Variants in RELN observed in about 807,000 individuals in gnomAD.
The protein encoded by RELN is reelin.
RELN carries 108 observed loss-of-function variants against 427.6 expected under a neutral mutation model. That is an observed-to-expected ratio of 0.25 (90% confidence interval 0.22 to 0.30). The LOEUF (loss-of-function observed/expected upper bound fraction) is 0.30. Ranked by LOEUF, RELN falls within the 10% of genes least tolerant of loss-of-function variation. The pLI is 1.00. For missense variants in RELN, 3,715 were observed against 4,302.8 expected (o/e 0.86, Z 3.82); for synonymous variants, 1,524 against 1,513.4 (o/e 1.01, Z -0.16).
chr7:103,855,512 T>G (rs919194777), intron 2 of RELN, among the ~76,000 whole-genome samples: 1 of 152,200 alleles, frequency 6.6e-6, no homozygotes, highest in African/African-American at 2.4e-5. Context: ...AGGCAAGGCA[T>G]GAGAAGGGCA....
chr7:103,746,604 G>A (rs1308618498), intron 6 of RELN, among the ~76,000 whole-genome samples: 1 of 152,180 alleles, frequency 6.6e-6, no homozygotes, highest in Non-Finnish European at 1.5e-5. Context: ...GTGGGCGAAG[G>A]ATATGAACAG....
chr7:103,720,641 T>C (rs1198065660), intron 8 of RELN, among the ~76,000 whole-genome samples: 1 of 152,174 alleles, frequency 6.6e-6, no homozygotes, highest in Non-Finnish European at 1.5e-5. Flanking sequence ...ATAATCTTAA[T>C]ATAATTTTTG....
intron 28 of RELN, among the ~76,000 whole-genome samples, chr7:103,577,508 T>C (rs1370810363): frequency 6.6e-6 from 1 of 151,694 alleles, no homozygotes; most frequent in Non-Finnish European, 1.5e-5. Flanking sequence ...CTTATTCTTT[T>C]TAAGGTAAAA....
In RELN at chr7:103,650,222, C is replaced by A. The variant is rs1219937888; in HGVS notation, c.2002+52G>T. On this transcript the variant is annotated intron_variant, in intron 16 of 64. Coordinates refer to ENST00000428762, the MANE Select transcript of RELN (RefSeq NM_005045.4). ...AAGTCTGTGCTGACGAACAAAAGCA[C>A]AGGAAGACTCTACATCAATGGCATG... The A allele has an allele frequency of 1.5e-5, 16 of 1,099,440 alleles. 1 individual carries two copies. Among genetic ancestry groups the A allele is most frequent in the South Asian group, 1.4e-4 (11 of 80,894 alleles). The allele number at this position is 1,099,440 out of a possible 1,614,324, so 68.1% of individuals were successfully genotyped here.
intron 2 of RELN, among the ~76,000 whole-genome samples, chr7:103,911,150 T>A (rs1346963578): frequency 7.0e-6 from 1 of 142,388 alleles, no homozygotes; most frequent in East Asian, 2.2e-4. Context: ...CTCAAACAAA[T>A]TTACAAGAAA....
chr7:103,940,571 C>A (rs548924211), intron 1 of RELN, among the ~76,000 whole-genome samples: 2 of 152,178 alleles, frequency 1.3e-5, no homozygotes, highest in African/African-American at 2.4e-5. Flanking sequence ...CTTTCCATAT[C>A]CCCTTATGTG....
Position 103,483,644 on chromosome 7 carries a change from G to C in RELN, c.10181+9C>G. On this transcript the variant is annotated intron_variant, in intron 62 of 64. Coordinates refer to ENST00000428762, the MANE Select transcript of RELN (RefSeq NM_005045.4). ...CATGAGACCATGCCTTTCCATTTGG[G>C]CCACTTACAGGGGGACATTGTAAGA... 1 of 1,613,790 alleles carries C rather than the reference G, an allele frequency of 6.2e-7. No homozygotes were observed.
At chr7:103,521,317 CA>C (rs1485812323) in intron 48 of RELN, among the ~76,000 whole-genome samples, 1 of 152,202 alleles carries the variant, frequency 6.6e-6, no homozygotes, top group African/African-American at 2.4e-5. Context: ...TCTATCTAAT[CA>C]TGGTATACAA....
intron 28 of RELN, among the ~76,000 whole-genome samples, chr7:103,579,619 T>G (rs1478368094): frequency 6.7e-6 from 1 of 149,628 alleles, no homozygotes; most frequent in African/African-American, 2.5e-5. Context: ...AAAAAAAAAG[T>G]ACGTCACAGT....
intron 2 of RELN, among the ~76,000 whole-genome samples, chr7:103,855,172 T>C (rs1260993277): frequency 6.6e-6 from 1 of 152,210 alleles, no homozygotes; most frequent in African/African-American, 2.4e-5. Flanking sequence ...AAAATTCTCT[T>C]GGGAAGTTTG....
chr7:103,756,324 T>C (rs1486994596), intron 4 of RELN, among the ~76,000 whole-genome samples: 4 of 152,192 alleles, frequency 2.6e-5, no homozygotes. Flanking sequence ...TTGTATTTTT[T>C]AAAACCTCCT....
chr7:103,509,328 G>A (rs1413169328), intron 51 of RELN, among the ~76,000 whole-genome samples: 1 of 152,116 alleles, frequency 6.6e-6, no homozygotes, highest in Non-Finnish European at 1.5e-5. Flanking sequence ...AAACAGAACA[G>A]AGGCCTCAGA....
chr7:103,476,652 T>G (rs1203760413), intron 64 of RELN: 2 of 245,966 alleles, frequency 8.1e-6, no homozygotes, highest in African/African-American at 4.5e-5. Flanking sequence ...TATGGCAAGC[T>G]ATACTAAAAT....
chr7:103,658,803 ATCTCTC>A (rs140889823), intron 12 of RELN, among the ~76,000 whole-genome samples: 5 of 145,528 alleles, frequency 3.4e-5, no homozygotes, highest in Admixed American at 2.1e-4. Context: ...ATCCTGGTTG[ATCTCTC>A]TCTCTCTCTC....
chr7:103,599,658 G>A (rs912611991), intron 24 of RELN, among the ~76,000 whole-genome samples: 1 of 152,104 alleles, frequency 6.6e-6, no homozygotes, highest in Non-Finnish European at 1.5e-5. Flanking sequence ...GCTCCAGAAA[G>A]CTTCAGGGAG....
chr7:103,823,576 C>G (rs990365486), intron 3 of RELN, among the ~76,000 whole-genome samples: 1 of 151,974 alleles, frequency 6.6e-6, no homozygotes, highest in Non-Finnish European at 1.5e-5. Context: ...AACTTTAATA[C>G]TGATTTCCTT....
chr7:103,757,291 A>T (rs909344803), intron 4 of RELN, among the ~76,000 whole-genome samples: 4 of 152,150 alleles, frequency 2.6e-5, no homozygotes, highest in Admixed American at 6.5e-5. Context: ...ACCCAATGAC[A>T]TATCTCCAAG....
At chr7:103,564,676 G>T (rs745820592) in intron 34 of RELN, among the ~76,000 whole-genome samples, 5 of 152,106 alleles carry the variant, frequency 3.3e-5, no homozygotes, top group Admixed American at 6.5e-5. Context: ...CAGGAATGGA[G>T]AGGCAAGGAT....
Position 103,826,360 on chromosome 7 carries a change from A to G in RELN, c.473+7177T>C, listed in dbSNP as rs866489695. On this transcript the variant is annotated intron_variant, in intron 3 of 64. Transcript: ENST00000428762. ...TGTGTGTGTGTGTGTGTGTGTGTGT[A>G]TACACATACATATTTACATATCTAA... Among the ~76,000 whole-genome samples the G allele has an allele frequency of 7.4e-3, 663 of 89,834 alleles. 1 individual carries two copies. The highest frequency in any genetic ancestry group is 0.019 in the African/African-American group (581 of 30,350). The allele number at this position is 89,834 out of a possible 152,430, so 58.9% of individuals were successfully genotyped here. A position where few individuals can be genotyped will look rare whatever the true frequency, so the allele number is the denominator to read the frequency against.
Sources: gnomAD v4.1 joint callset for allele counts (sites outside exome capture counted in the v4.1 genomes callset) on GRCh38, gnomAD v4.1.1 for gene constraint, MANE v1.5 for transcripts, NCBI Gene and HGNC (gene_info 2026-07-23, HGNC 2026-07-21) for gene names.